COX7B2: variants seen among roughly 807,000 people sequenced by gnomAD.
COX7B2 encodes cytochrome c oxidase subunit 7B2.
For missense variants in COX7B2, 109 were observed against 95.9 expected (o/e 1.14, Z -0.57); for synonymous variants, 37 against 32.1 (o/e 1.15, Z -0.51).
At chr4:46,890,365 G>A (rs1032839682) in intron 1 of COX7B2, among the ~76,000 whole-genome samples, 2 of 152,170 alleles carry the variant, frequency 1.3e-5, no homozygotes, top group Non-Finnish European at 2.9e-5. Context: ...TTGTTGTAAA[G>A]CAGATGGAAC....
intron 2 of COX7B2, among the ~76,000 whole-genome samples, chr4:46,829,484 A>G (rs1714923289): frequency 6.6e-6 from 1 of 152,182 alleles, no homozygotes; most frequent in Admixed American, 6.5e-5. Context: ...TAAAACATTC[A>G]ATTAGTAATA....
At chr4:46,839,485 T>C (rs1343519451) in intron 2 of COX7B2, among the ~76,000 whole-genome samples, 1 of 151,956 alleles carries the variant, frequency 6.6e-6, no homozygotes, top group African/African-American at 2.4e-5. Context: ...TTTTCATTAT[T>C]ATTAAGAGGC....
chr4:46,853,630 T>G (rs1339907609), intron 1 of COX7B2, among the ~76,000 whole-genome samples: 2 of 152,146 alleles, frequency 1.3e-5, no homozygotes, highest in Non-Finnish European at 2.9e-5. Flanking sequence ...TGTGGTTATC[T>G]TATTCATTTG....
At chr4:46,831,383 C>G (rs187832016) in intron 2 of COX7B2, among the ~76,000 whole-genome samples, 3 of 152,158 alleles carry the variant, frequency 2.0e-5, no homozygotes. Context: ...GTGCCACCCC[C>G]GGCTCCACGG....
chr4:46,784,460 A>G (rs1717644405), intron 2 of COX7B2, among the ~76,000 whole-genome samples: 1 of 152,178 alleles, frequency 6.6e-6, no homozygotes, highest in Non-Finnish European at 1.5e-5. Flanking sequence ...TTCCGTCTCT[A>G]TTAAAAATAC....
intron 1 of COX7B2, among the ~76,000 whole-genome samples, chr4:46,857,957 T>G (rs1160361597): frequency 6.6e-6 from 1 of 152,198 alleles, no homozygotes; most frequent in Non-Finnish European, 1.5e-5. Context: ...ATAATCTAAT[T>G]TAACTAGCAT....
At chr4:46,773,285 TG>T (rs1277998331) in intron 2 of COX7B2, among the ~76,000 whole-genome samples, 1 of 152,152 alleles carries the variant, frequency 6.6e-6, no homozygotes, top group East Asian at 1.9e-4. Context: ...AACTGAATCA[TG>T]GGGGCAGTTA....
intron 2 of COX7B2, among the ~76,000 whole-genome samples, chr4:46,742,659 A>G (rs1328593741): frequency 6.6e-6 from 1 of 152,190 alleles, no homozygotes; most frequent in East Asian, 1.9e-4. Context: ...CTAAAAAGTT[A>G]CAGAAATGGA....
chr4:46,821,744 C>T (rs534788421), intron 2 of COX7B2, among the ~76,000 whole-genome samples: 47 of 152,234 alleles, frequency 3.1e-4, no homozygotes, highest in Admixed American at 8.5e-4. Context: ...ATATAGAACA[C>T]TGAAGATTAT....
chr4:46,791,301 G>A (rs188003349), intron 2 of COX7B2, among the ~76,000 whole-genome samples: 3,282 of 151,936 alleles, frequency 0.022, 103 homozygotes, highest in African/African-American at 0.074. Context: ...GAGCCACCGT[G>A]CCCAGCAACA....
chr4:46,740,422 T>C (rs1714635506), intron 2 of COX7B2, among the ~76,000 whole-genome samples: 1 of 152,110 alleles, frequency 6.6e-6, no homozygotes, highest in South Asian at 2.1e-4. Context: ...AAGCTCCCAA[T>C]ATAATGAAGA....
chr4:46,800,512 C>T (rs1718601420), intron 2 of COX7B2, among the ~76,000 whole-genome samples: 1 of 152,004 alleles, frequency 6.6e-6, no homozygotes, highest in Non-Finnish European at 1.5e-5. Context: ...GAAAGGGCAC[C>T]CTATTCGATA....
intron 1 of COX7B2, among the ~76,000 whole-genome samples, chr4:46,859,781 T>C (rs1468442520): frequency 2.0e-5 from 3 of 152,156 alleles, no homozygotes; most frequent in Non-Finnish European, 4.4e-5. Context: ...ACAAATGCCA[T>C]AGCAACACCC....
Position 46,825,322 on chromosome 4 carries a change from C to G in COX7B2, c.-50+19638G>C, listed in dbSNP as rs113690837. 4.2e-3 allele frequency among the ~76,000 whole-genome samples: 643 copies of G among 152,126 alleles called. 6 individuals are homozygous for G. The highest frequency in any genetic ancestry group is 0.014 in the African/African-American group (601 of 41,514). Reference sequence around the variant, plus strand: ...ATAAAATACCTAGGAATACAGCTAACTAGGTAGGTGAAAGACCTCTACAAT... The same window carrying G: ...ATAAAATACCTAGGAATACAGCTAAGTAGGTAGGTGAAAGACCTCTACAAT... On this transcript the variant is annotated intron_variant, in intron 2 of 2. Transcript: ENST00000355591.
intron 2 of COX7B2, among the ~76,000 whole-genome samples, chr4:46,769,098 A>G (rs1203686988): frequency 6.6e-6 from 1 of 152,040 alleles, no homozygotes; most frequent in East Asian, 1.9e-4. Flanking sequence ...ATTCTAACAA[A>G]CATTTAAATA....
At chr4:46,737,557 A>C (rs1714439892) in intron 2 of COX7B2, among the ~76,000 whole-genome samples, 1 of 152,194 alleles carries the variant, frequency 6.6e-6, no homozygotes, top group Admixed American at 6.5e-5. Context: ...TCCTCATAAG[A>C]AGCTAAAATG....
At chr4:46,750,422 A>G (rs559107946) in intron 2 of COX7B2, among the ~76,000 whole-genome samples, 1 of 152,126 alleles carries the variant, frequency 6.6e-6, no homozygotes, top group Admixed American at 6.6e-5. Context: ...ATAAATGAGA[A>G]TTTCTTTTAT....
intron 2 of COX7B2, among the ~76,000 whole-genome samples, chr4:46,755,778 G>A (rs1313745452): frequency 2.0e-5 from 3 of 151,870 alleles, no homozygotes; most frequent in Non-Finnish European, 2.9e-5. Flanking sequence ...TCTCTATAAG[G>A]AGAACTACAA....
intron 1 of COX7B2, among the ~76,000 whole-genome samples, chr4:46,868,711 G>T (rs1197984135): frequency 6.6e-6 from 1 of 152,122 alleles, no homozygotes; most frequent in Non-Finnish European, 1.5e-5. Flanking sequence ...ACTTCTATTT[G>T]TTAATTGAAT....
Sources: gnomAD v4.1 joint callset for allele counts (sites outside exome capture counted in the v4.1 genomes callset) on GRCh38, gnomAD v4.1.1 for gene constraint, MANE v1.5 for transcripts, NCBI Gene and HGNC (gene_info 2026-07-23, HGNC 2026-07-21) for gene names.